SAMD12: variants seen among roughly 807,000 people sequenced by gnomAD.
The protein encoded by SAMD12 is sterile alpha motif domain-containing protein 12.
Under a neutral mutation model 15.0 loss-of-function variants are expected in SAMD12, and 9 were observed. The ratio of observed to expected loss-of-function variants is 0.60; its 90% CI spans 0.36 to 1.05. The LOEUF (loss-of-function observed/expected upper bound fraction) is 1.05, where lower values mean the gene tolerates loss of function less well. Ranked by LOEUF, SAMD12 falls within the 50% of genes least tolerant of loss-of-function variation. The pLI is 0.01. For missense variants in SAMD12, 230 were observed against 234.2 expected (o/e 0.98, Z 0.12); for synonymous variants, 86 against 90.1 (o/e 0.96, Z 0.25).
At chr8:118,333,908 T>C (rs1238107974) in intron 4 of SAMD12, among the ~76,000 whole-genome samples, 2 of 134,330 alleles carry the variant, frequency 1.5e-5, no homozygotes, top group African/African-American at 5.7e-5. Flanking sequence ...TGTGTGTGTG[T>C]GCACGTTGGC....
intron 1 of SAMD12, among the ~76,000 whole-genome samples, chr8:118,595,968 G>A (rs1223903330): frequency 6.6e-6 from 1 of 152,234 alleles, no homozygotes; most frequent in Admixed American, 6.5e-5. Context: ...CTTTGGCCAT[G>A]TGAATTTGGT....
chr8:118,227,580 T>C (rs1234167477), intron 4 of SAMD12, among the ~76,000 whole-genome samples: 1 of 152,198 alleles, frequency 6.6e-6, no homozygotes, highest in Non-Finnish European at 1.5e-5. Context: ...TGGAATATGA[T>C]ACTGGGTAAG....
At chr8:118,586,667 A>ATG (rs1178597160) in intron 1 of SAMD12, among the ~76,000 whole-genome samples, 1 of 151,998 alleles carries the variant, frequency 6.6e-6, no homozygotes, top group African/African-American at 2.4e-5. Flanking sequence ...TATGATCTGT[A>ATG]TGTGTGTGTA....
intron 4 of SAMD12, among the ~76,000 whole-genome samples, chr8:118,328,086 C>T (rs1317415514): frequency 6.6e-6 from 1 of 152,138 alleles, no homozygotes; most frequent in African/African-American, 2.4e-5. Context: ...ATAACATGGT[C>T]TGCTCTCTTC....
intron 2 of SAMD12, among the ~76,000 whole-genome samples, chr8:118,474,410 T>C (rs1823896261): frequency 1.3e-5 from 2 of 152,210 alleles, no homozygotes; most frequent in Admixed American, 1.3e-4. Context: ...GAGACAGTTT[T>C]GCTCTTGTTG....
chr8:118,289,182 C>T (rs1814223255), intron 4 of SAMD12, among the ~76,000 whole-genome samples: 2 of 152,160 alleles, frequency 1.3e-5, no homozygotes, highest in Non-Finnish European at 2.9e-5. Flanking sequence ...GTGGAGTAAA[C>T]CAGTCAAACC....
chr8:118,149,206 A>G, the SAMD12 span, among the ~76,000 whole-genome samples: 2 of 152,298 alleles, frequency 1.3e-5, no homozygotes, highest in African/African-American at 4.8e-5. Flanking sequence ...GGCTCAATCA[A>G]TCCTCCCACA....
At chr8:118,195,102 G>C (rs914843204) in exon 5 of SAMD12, 4 of 151,926 alleles carry the variant, frequency 2.6e-5, no homozygotes, top group Admixed American at 2.0e-4. Context: ...ATTTCACAGC[G>C]TTCCTTTGAC....
intron 3 of SAMD12, among the ~76,000 whole-genome samples, chr8:118,396,040 A>G (rs1306193042): frequency 6.6e-6 from 1 of 152,166 alleles, no homozygotes. Context: ...TTGGTTATAA[A>G]ATGCTTCAGT....
chr8:118,552,374 T>G (rs1376495480), intron 2 of SAMD12, among the ~76,000 whole-genome samples: 14 of 151,986 alleles, frequency 9.2e-5, no homozygotes, highest in Non-Finnish European at 1.6e-4. Context: ...TGGTTCAATA[T>G]ATGCAAATCA....
intron 1 of SAMD12, among the ~76,000 whole-genome samples, chr8:118,598,314 G>A (rs1371841180): frequency 6.6e-6 from 1 of 152,162 alleles, no homozygotes; most frequent in Non-Finnish European, 1.5e-5. Flanking sequence ...AGTTAATAAA[G>A]CTGTAAGGGT....
intron 4 of SAMD12, among the ~76,000 whole-genome samples, chr8:118,328,273 C>G (rs142642189): frequency 1.1e-3 from 170 of 152,276 alleles, no homozygotes; most frequent in African/African-American, 3.3e-3. Context: ...CTGCTAATTT[C>G]TTCATACCAA....
At chr8:118,551,007 A>G (rs1204975450) in intron 2 of SAMD12, among the ~76,000 whole-genome samples, 1 of 152,078 alleles carries the variant, frequency 6.6e-6, no homozygotes, top group Non-Finnish European at 1.5e-5. Flanking sequence ...CACCCAATAC[A>G]GGAGCACCCA....
At chr8:118,147,279 C>G in the SAMD12 span, among the ~76,000 whole-genome samples, 1 of 151,592 alleles carries the variant, frequency 6.6e-6, no homozygotes, top group Admixed American at 6.6e-5. Flanking sequence ...CCCAGCTCAG[C>G]CTCCCAAAAT....
rs567513667 is a variant in SAMD12 at position 118,596,231 on chromosome 8, C to T, written c.14-15338G>A. 3.3e-5 allele frequency among the ~76,000 whole-genome samples: 5 copies of T among 152,304 alleles called. 1 individual carries two copies. The highest frequency in any genetic ancestry group is 1.2e-4 in the African/African-American group (5 of 41,544). ...CAGAAAATACATGTGTCCTTGTTCG[C>T]TGCTCAGATTCCACACAACAGCCAA... On this transcript the variant is annotated intron_variant, in intron 1 of 3. Coordinates refer to ENST00000314727, the MANE Select transcript of SAMD12 (RefSeq NM_207506.3).
At chr8:118,245,638 ACT>A (rs1348879414) in intron 4 of SAMD12, among the ~76,000 whole-genome samples, 6 of 152,002 alleles carry the variant, frequency 3.9e-5, no homozygotes, top group African/African-American at 1.4e-4. Flanking sequence ...ACTTGGTTAT[ACT>A]CTTTCTTTTA....
At chr8:118,484,809 T>C (rs1026526045) in intron 2 of SAMD12, among the ~76,000 whole-genome samples, 2 of 152,224 alleles carry the variant, frequency 1.3e-5, no homozygotes, top group Non-Finnish European at 2.9e-5. Context: ...TGCCTTTGTC[T>C]CTAGAAGGGT....
chr8:118,455,024 G>A (rs1425711363), intron 2 of SAMD12, among the ~76,000 whole-genome samples: 1 of 152,152 alleles, frequency 6.6e-6, no homozygotes, highest in Non-Finnish European at 1.5e-5. Flanking sequence ...AAGCATCTTG[G>A]AAGAGTTGTA....
intron 3 of SAMD12, among the ~76,000 whole-genome samples, chr8:118,403,431 T>C (rs1386131164): frequency 6.6e-6 from 1 of 152,120 alleles, no homozygotes; most frequent in Non-Finnish European, 1.5e-5. Context: ...AATCCCTGGA[T>C]TTAAATTCTA....
Sources: gnomAD v4.1 joint callset for allele counts (sites outside exome capture counted in the v4.1 genomes callset) on GRCh38, gnomAD v4.1.1 for gene constraint, MANE v1.5 for transcripts, NCBI Gene and HGNC (gene_info 2026-07-23, HGNC 2026-07-21) for gene names.